Variants in CNTN5 observed in about 807,000 individuals in gnomAD.
The protein encoded by CNTN5 is contactin-5.
A neutral mutation model predicts 129.1 loss-of-function variants in CNTN5; 77 were observed. The observed-to-expected ratio is 0.60, with a 90% CI of 0.50 to 0.72. The LOEUF (loss-of-function observed/expected upper bound fraction) is 0.72. Ranked by LOEUF, CNTN5 falls within the 30% of genes least tolerant of loss-of-function variation. The pLI, the probability that CNTN5 is intolerant of heterozygous loss-of-function variation, is 0.00. For synonymous variants in CNTN5, 509 were observed against 465.6 expected, an observed-to-expected ratio of 1.09 and a Z score of -1.20; for missense variants, 1,478 against 1,328.8, an observed-to-expected ratio of 1.11 and a Z score of -1.75.
At chr11:99,541,823 C>G (rs974608232) in intron 2 of CNTN5, among the ~76,000 whole-genome samples, 1 of 151,732 alleles carries the variant, frequency 6.6e-6, no homozygotes, top group African/African-American at 2.4e-5. Flanking sequence ...ATGGCATGTG[C>G]CTGTAGTCCT....
chr11:99,490,226 A>T (rs1489356108), intron 2 of CNTN5, among the ~76,000 whole-genome samples: 1 of 152,216 alleles, frequency 6.6e-6, no homozygotes, highest in Non-Finnish European at 1.5e-5. Context: ...TTTGACAATT[A>T]TTCAGACAAT....
intron 1 of CNTN5, among the ~76,000 whole-genome samples, chr11:99,180,650 T>C (rs1202661791): frequency 1.3e-5 from 2 of 152,180 alleles, no homozygotes; most frequent in African/African-American, 2.4e-5. Context: ...CCATGTTCAA[T>C]TGAGTTCAAA....
chr11:99,191,508 C>T (rs560190441), intron 1 of CNTN5, among the ~76,000 whole-genome samples: 1 of 151,764 alleles, frequency 6.6e-6, no homozygotes, highest in East Asian at 1.9e-4. Flanking sequence ...ACCATACAAC[C>T]CCTGGAGAAT....
At chr11:99,207,231 C>T (rs920809378) in intron 1 of CNTN5, among the ~76,000 whole-genome samples, 1 of 151,968 alleles carries the variant, frequency 6.6e-6, no homozygotes, top group Non-Finnish European at 1.5e-5. Flanking sequence ...AAACTGTTTG[C>T]AATACTGTAC....
intron 9 of CNTN5, among the ~76,000 whole-genome samples, chr11:100,013,232 G>C (rs562680915): frequency 1.3e-5 from 2 of 151,924 alleles, no homozygotes; most frequent in African/African-American, 4.8e-5. Context: ...TTACTTAATG[G>C]GTATAAGGTA....
chr11:99,039,864 GA>G (rs1240344368), intron 1 of CNTN5, among the ~76,000 whole-genome samples: 1 of 152,024 alleles, frequency 6.6e-6, no homozygotes, highest in Non-Finnish European at 1.5e-5. Flanking sequence ...AAACTTCTAA[GA>G]AAAAATGTCA....
At chr11:99,049,549 G>C (rs768362570) in intron 1 of CNTN5, 2 of 152,096 alleles carry the variant, frequency 1.3e-5, no homozygotes, top group African/African-American at 2.4e-5. Context: ...CAGAAAGTGA[G>C]AGAACAGAAG....
intron 7 of CNTN5, among the ~76,000 whole-genome samples, chr11:99,920,583 C>T (rs754843247): frequency 6.6e-5 from 10 of 152,130 alleles, no homozygotes; most frequent in African/African-American, 2.4e-4. Context: ...TCATTCTGTA[C>T]ATCAGGCCTC....
chr11:99,930,555 T>C (rs1324646516), intron 7 of CNTN5, among the ~76,000 whole-genome samples: 3 of 152,206 alleles, frequency 2.0e-5, no homozygotes, highest in Admixed American at 1.3e-4. Context: ...GGGGCCCTAT[T>C]CTGCCCTGTT....
At chr11:99,293,237 A>G (rs1057042411) in intron 1 of CNTN5, among the ~76,000 whole-genome samples, 2 of 152,166 alleles carry the variant, frequency 1.3e-5, no homozygotes, top group Non-Finnish European at 2.9e-5. Flanking sequence ...TTATCTCACA[A>G]TGTATGTATG....
intron 9 of CNTN5, among the ~76,000 whole-genome samples, chr11:100,045,398 A>G (rs913376447): frequency 1.3e-5 from 2 of 152,144 alleles, no homozygotes; most frequent in African/African-American, 2.4e-5. Context: ...CCAAAACACA[A>G]ACTAAGGTAG....
intron 1 of CNTN5, among the ~76,000 whole-genome samples, chr11:99,236,134 C>G (rs1861246782): frequency 6.6e-6 from 1 of 152,028 alleles, no homozygotes. Context: ...CATGGAGTAC[C>G]AAGCATTGTG....
rs748665213 is a variant in CNTN5, at chr11:100,019,311, A to G, written c.980+17175A>G. ...TAAGTCTCTGCTGTATTTTGAATTA[A>G]TTTTTGTATGATACAGGTATGGATC... On this transcript the variant is annotated intron_variant, in intron 9 of 24. Coordinates refer to ENST00000524871, the MANE Select transcript of CNTN5 (RefSeq NM_014361.4). 2.6e-4 allele frequency among the ~76,000 whole-genome samples: 40 copies of G among 152,012 alleles called. No individual in the cohort carries two copies. The Middle Eastern group carries it at 0.01, about 39-fold the overall frequency.
At chr11:99,884,106 T>G (rs1948838411) in intron 6 of CNTN5, among the ~76,000 whole-genome samples, 1 of 152,288 alleles carries the variant, frequency 6.6e-6, no homozygotes, top group Admixed American at 6.5e-5. Flanking sequence ...CAAATGGAAG[T>G]GCTCCCTGGA....
chr11:100,069,654 C>T (rs1943829657), intron 10 of CNTN5, among the ~76,000 whole-genome samples: 1 of 152,100 alleles, frequency 6.6e-6, no homozygotes. Flanking sequence ...CCCTCAGTAG[C>T]ACATATAAAT....
intron 23 of CNTN5, among the ~76,000 whole-genome samples, chr11:100,345,677 T>C (rs1424465531): frequency 6.6e-6 from 1 of 152,040 alleles, no homozygotes; most frequent in African/African-American, 2.4e-5. Context: ...CACATATAAT[T>C]GCACAATAGG....
chr11:100,331,706 G>C (rs1357424367), intron 21 of CNTN5, among the ~76,000 whole-genome samples: 1 of 152,054 alleles, frequency 6.6e-6, no homozygotes, highest in Non-Finnish European at 1.5e-5. Flanking sequence ...CAAATACATG[G>C]AAATCAAAAA....
chr11:99,157,648 A>C (rs540952810), intron 1 of CNTN5, among the ~76,000 whole-genome samples: 1 of 152,262 alleles, frequency 6.6e-6, no homozygotes, highest in South Asian at 2.1e-4. Context: ...ACTCCTTTAA[A>C]ATAATTAAAG....
chr11:100,197,447 T>G (rs17094597), intron 15 of CNTN5, among the ~76,000 whole-genome samples: 11,869 of 152,032 alleles, frequency 0.078, 471 homozygotes, highest in Non-Finnish European at 0.086. Context: ...GAGGTTATAA[T>G]AAGGAGATAA....
Sources: gnomAD v4.1 joint callset for allele counts (sites outside exome capture counted in the v4.1 genomes callset) on GRCh38, gnomAD v4.1.1 for gene constraint, MANE v1.5 for transcripts, NCBI Gene and HGNC (gene_info 2026-07-23, HGNC 2026-07-21) for gene names.